Variants in ANXA10 observed in about 807,000 individuals in gnomAD.
ANXA10 encodes the protein annexin A10, also known as annexin 14.
In ANXA10, 49 loss-of-function variants were observed where a neutral mutation model predicts 53.5. That is an observed-to-expected ratio of 0.92 (90% confidence interval 0.73 to 1.16). The LOEUF (loss-of-function observed/expected upper bound fraction) is 1.16, where lower values mean the gene tolerates loss of function less well. Ranked by LOEUF, ANXA10 falls within the 50% of genes most tolerant of loss-of-function variation. The pLI, the probability that ANXA10 is intolerant of heterozygous loss-of-function variation, is 0.00. For synonymous variants in ANXA10, 131 were observed against 128.9 expected (o/e 1.02, Z -0.11); for missense variants, 393 against 394.4 (o/e 1.00, Z 0.03).
chr4:168,173,897 G>C (rs190911480), intron 6 of ANXA10, among the ~76,000 whole-genome samples: 8 of 151,384 alleles, frequency 5.3e-5, no homozygotes, highest in African/African-American at 9.7e-5. Flanking sequence ...GCCTTTTTGC[G>C]TCCTAACAAA....
chr4:168,141,672 C>G (rs1451760797), intron 3 of ANXA10, among the ~76,000 whole-genome samples: 1 of 152,024 alleles, frequency 6.6e-6, no homozygotes, highest in African/African-American at 2.4e-5. Context: ...AAAGAGGGAG[C>G]AGAGAGTTTA....
At chr4:168,174,020 G>T (rs1191420403) in intron 6 of ANXA10, among the ~76,000 whole-genome samples, 1 of 152,040 alleles carries the variant, frequency 6.6e-6, no homozygotes, top group Non-Finnish European at 1.5e-5. Flanking sequence ...TTTGGGTAAG[G>T]GGGCTGCCCA....
chr4:168,177,833 G>C, intron 7 of ANXA10, 40 bp downstream of exon 7: 2 of 1,613,844 alleles, frequency 1.2e-6, no homozygotes, highest in Non-Finnish European at 1.7e-6. Context: ...CAAAGAACCT[G>C]GGTTAAAATG....
In ANXA10 at chr4:168,184,638, G is replaced by A. The variant is rs865912081; in HGVS notation, c.863G>A (p.Arg288Gln). 11 of 1,613,916 alleles carry A rather than the reference G, an allele frequency of 6.8e-6. No individual in the cohort carries two copies. Among genetic ancestry groups the A allele is most frequent in the Non-Finnish European group, 9.3e-6 (11 of 1,179,982 alleles). Residue 288 changes from arginine to glutamine, a missense_variant, in exon 11 of 12, where the codon CGA becomes CAA. Physicochemically the swap from Arg to Gln is conservative, Grantham distance 43. Coordinates refer to ENST00000359299, the MANE Select transcript of ANXA10 (RefSeq NM_007193.5). Reference protein sequence around the residue: ...SEIDLLTIRKRYKERYGKSLF... With the variant: ...SEIDLLTIRKQYKERYGKSLF... ...ATAGACCTGCTGACCATAAGGAAAC[G>A]ATACAAAGAGCGATATGGAAAATCC...
chr4:168,137,971 T>C (rs1731264736), intron 2 of ANXA10, among the ~76,000 whole-genome samples: 1 of 151,542 alleles, frequency 6.6e-6, no homozygotes, highest in Admixed American at 6.6e-5. Context: ...TTTTTTTTTT[T>C]TTTTTCTTGA....
intron 1 of ANXA10, among the ~76,000 whole-genome samples, chr4:168,121,417 C>T (rs1730983434): frequency 6.6e-6 from 1 of 152,022 alleles, no homozygotes; most frequent in African/African-American, 2.4e-5. Flanking sequence ...TTTATTTTAA[C>T]TTTCTTCAAA....
chr4:168,104,030 T>C (rs1730681490), intron 1 of ANXA10, among the ~76,000 whole-genome samples: 1 of 151,916 alleles, frequency 6.6e-6, no homozygotes, highest in African/African-American at 2.4e-5. Flanking sequence ...ATTTTAGATG[T>C]AGGGTTTTTG....
intron 4 of ANXA10, among the ~76,000 whole-genome samples, chr4:168,163,267 G>C (rs375909000): frequency 2.3e-4 from 35 of 152,210 alleles, no homozygotes; most frequent in African/African-American, 7.9e-4. Context: ...GGAACAAAGA[G>C]GGCCTTGGCT....
At chr4:168,155,639 TATA>T (rs1731611128) in intron 3 of ANXA10, among the ~76,000 whole-genome samples, 1 of 75,960 alleles carries the variant, frequency 1.3e-5, no homozygotes, top group Non-Finnish European at 2.3e-5. Flanking sequence ...TATAATTATA[TATA>T]ATTATACATT....
At chr4:168,120,341 A>G (rs1267839955) in intron 1 of ANXA10, among the ~76,000 whole-genome samples, 1 of 152,146 alleles carries the variant, frequency 6.6e-6, no homozygotes, top group Non-Finnish European at 1.5e-5. Flanking sequence ...ACCTGTTGCA[A>G]TCTAGTCAAG....
rs1579212737 is a variant in ANXA10, at chr4:168,128,086, G to A, written c.21G>A (p.Val7=). Reference sequence around the variant, plus strand: ...TTTCTCATTGATTTTCCCACCAGGTGCAAGGAACCATCTTCCCAGCTCCCA... The same window carrying A: ...TTTCTCATTGATTTTCCCACCAGGTACAAGGAACCATCTTCCCAGCTCCCA... The part of the protein sequence containing the change: MFCGDY[V]QGTIFPAPNF... The change falls in exon 2 of 12, where the codon GTG becomes GTA. Residue 7 remains valine, a splice_region_variant and synonymous_variant. Coordinates refer to ENST00000359299, the MANE Select transcript of ANXA10 (RefSeq NM_007193.5). The A allele has an allele frequency of 8.1e-6, 13 of 1,612,156 alleles. No individual in the cohort carries two copies. Among genetic ancestry groups the A allele is most frequent in the African/African-American group, 2.7e-5 (2 of 74,756 alleles).
At chr4:168,182,182 G>T in intron 10 of ANXA10, among the ~76,000 whole-genome samples, 1 of 152,134 alleles carries the variant, frequency 6.6e-6, no homozygotes, top group South Asian at 2.1e-4. Context: ...GGATATTTTT[G>T]AACATTGTGC....
At chr4:168,139,354 G>A (rs1277541629) in intron 2 of ANXA10, 132 bp from the exon 3 acceptor site, 1 of 601,158 alleles carries the variant, frequency 1.7e-6, no homozygotes, top group East Asian at 2.9e-5. Flanking sequence ...TCCAATTTTA[G>A]TTAAAATTGT....
intron 1 of ANXA10, among the ~76,000 whole-genome samples, chr4:168,096,930 G>GTATATATATATATA (rs1560956143): frequency 2.6e-5 from 1 of 38,244 alleles, no homozygotes; most frequent in Non-Finnish European, 5.9e-5. Flanking sequence ...ATATATATAT[G>GTATATATATATATA]TATGTATATG....
chr4:168,154,021 C>T (rs1378919047), intron 3 of ANXA10, among the ~76,000 whole-genome samples: 2 of 151,536 alleles, frequency 1.3e-5, no homozygotes, highest in Non-Finnish European at 2.9e-5. Flanking sequence ...CGCGCGCGCG[C>T]GTGCCTCTGA....
intron 1 of ANXA10, among the ~76,000 whole-genome samples, chr4:168,114,044 G>A (rs935238280): frequency 2.0e-5 from 3 of 152,166 alleles, no homozygotes; most frequent in Non-Finnish European, 4.4e-5. Flanking sequence ...TTTTGCAGAA[G>A]AGAATGCTAA....
chr4:168,131,612 G>T (rs1463042672), intron 2 of ANXA10, among the ~76,000 whole-genome samples: 1 of 151,762 alleles, frequency 6.6e-6, no homozygotes, highest in Non-Finnish European at 1.5e-5. Context: ...TTATAACAGT[G>T]GATTCTTCTA....
At chr4:168,161,656 T>C (rs1321105314) in intron 3 of ANXA10, among the ~76,000 whole-genome samples, 1 of 152,158 alleles carries the variant, frequency 6.6e-6, no homozygotes, top group Non-Finnish European at 1.5e-5. Flanking sequence ...CTTTGAACAA[T>C]ATGGCCATTT....
chr4:168,176,230 T>C lies in ANXA10; in HGVS notation c.481-1510T>C, dbSNP rs1269632353. Among the ~76,000 whole-genome samples the C allele has an allele frequency of 2.6e-5, 4 of 152,194 alleles. No individual in the cohort carries two copies. In the East Asian group the frequency reaches 7.7e-4, roughly 29 times the overall value. On this transcript the variant is annotated intron_variant, in intron 6 of 11. Coordinates refer to ENST00000359299, the MANE Select transcript of ANXA10 (RefSeq NM_007193.5). The stretch of plus-strand genomic sequence containing the variant: ...TCTTGGCAATTCTGGACATTGAATA[T>C]ATGAGGTGTCAATGACCAGCATATG...
Sources: gnomAD v4.1 joint callset for allele counts (sites outside exome capture counted in the v4.1 genomes callset) on GRCh38, gnomAD v4.1.1 for gene constraint, MANE v1.5 for transcripts, NCBI Gene and HGNC (gene_info 2026-07-23, HGNC 2026-07-21) for gene names.